TUBGCP3: variants seen among roughly 807,000 people sequenced by gnomAD.
The protein encoded by TUBGCP3 is gamma-tubulin complex component 3.
In TUBGCP3, 50 loss-of-function variants were observed where a neutral mutation model predicts 123.1. The observed-to-expected ratio is 0.41, with a 90% CI of 0.32 to 0.51. TUBGCP3 has a LOEUF of 0.51. Ranked by LOEUF, TUBGCP3 falls within the 20% of genes least tolerant of loss-of-function variation. The pLI is 0.36. For synonymous variants in TUBGCP3, 405 were observed against 413.9 expected (o/e 0.98, Z 0.26); for missense variants, 882 against 1,127.0 (o/e 0.78, Z 3.11).
chr13:112,548,255 G>A (rs541089582), intron 8 of TUBGCP3, 79 bp from the exon 9 acceptor site: 39 of 1,149,208 alleles, frequency 3.4e-5, no homozygotes, highest in Middle Eastern at 2.1e-4. Flanking sequence ...GGTATAATGC[G>A]TTTAGATAAA....
the TUBGCP3 span, among the ~76,000 whole-genome samples, chr13:112,595,852 A>G: frequency 3.2e-4 from 49 of 151,822 alleles, no homozygotes; most frequent in Non-Finnish European, 5.5e-4. Context: ...TTTGTTTTCT[A>G]TTCATTCTCT....
chr13:112,543,137 G>A (rs1878668032), intron 11 of TUBGCP3, among the ~76,000 whole-genome samples: 1 of 152,100 alleles, frequency 6.6e-6, no homozygotes, highest in Non-Finnish European at 1.5e-5. Context: ...ACAACAAAGC[G>A]AGACTCCATC....
chr13:112,543,544 G>C (rs1342346871), intron 11 of TUBGCP3, among the ~76,000 whole-genome samples: 3 of 152,134 alleles, frequency 2.0e-5, no homozygotes, highest in Non-Finnish European at 2.9e-5. Context: ...CAAAAGGTAA[G>C]TACTGCCTCT....
At chr13:112,586,800 A>C (rs1002355825) in intron 1 of TUBGCP3, among the ~76,000 whole-genome samples, 1 of 151,940 alleles carries the variant, frequency 6.6e-6, no homozygotes, top group Non-Finnish European at 1.5e-5. Context: ...TCCCGGGGGG[A>C]ACTTTGAGGA....
At chr13:112,553,339 C>T (rs1233971436) in intron 8 of TUBGCP3, among the ~76,000 whole-genome samples, 1 of 152,262 alleles carries the variant, frequency 6.6e-6, no homozygotes, top group Non-Finnish European at 1.5e-5. Flanking sequence ...AAGTCCTGTG[C>T]TACGCTGAGC....
intron 11 of TUBGCP3, among the ~76,000 whole-genome samples, chr13:112,534,050 G>A (rs73566375): frequency 6.6e-6 from 1 of 152,082 alleles, no homozygotes; most frequent in Non-Finnish European, 1.5e-5. Flanking sequence ...TGAGTATGCA[G>A]AGCTGGTGTG....
rs758666111 is a variant in TUBGCP3, at chr13:112,486,150, C to A, written c.2567G>T (p.Gly856Val). Residue 856 changes from glycine to valine, a missense_variant and splice_region_variant, in exon 22 of 22, where the codon GGT (glycine) becomes GTT (valine). Transcript: ENST00000261965. ...QLRILTHFYQGIVQQFLVLLT... is the reference protein window; with the variant it reads ...QLRILTHFYQVIVQQFLVLLT... Reference sequence around the variant, plus strand: ...TAACACCAAAAACTGCTGCACGATACCCTAAAAAGAAGCAAAAGGAGTAAA... The same window carrying A: ...TAACACCAAAAACTGCTGCACGATAACCTAAAAAGAAGCAAAAGGAGTAAA... 1 of 1,607,708 alleles carries A rather than the reference C, an allele frequency of 6.2e-7. No individual in the cohort carries two copies. The highest frequency in any genetic ancestry group is 8.5e-7 in the Non-Finnish European group (1 of 1,177,516).
At chr13:112,548,241 GA>G in intron 8 of TUBGCP3, 65 bp from the exon 9 acceptor site, 1 of 1,346,866 alleles carries the variant, frequency 7.4e-7, no homozygotes. Flanking sequence ...ATTTTAAGTG[GA>G]AAGGTATAAT....
chr13:112,559,460 C>A, intron 3 of TUBGCP3, 61 bp from the exon 4 acceptor site: 1 of 1,347,340 alleles, frequency 7.4e-7, no homozygotes, highest in South Asian at 1.3e-5. Flanking sequence ...GCCTTATTTT[C>A]CTCTTTCCTG....
intron 13 of TUBGCP3, among the ~76,000 whole-genome samples, chr13:112,526,357 C>A (rs908955592): frequency 1.5e-4 from 22 of 150,438 alleles, no homozygotes; most frequent in African/African-American, 5.2e-4. Context: ...TCCCCATCAT[C>A]ACTATCATCA....
intron 14 of TUBGCP3, chr13:112,522,007 T>A: frequency 2.8e-6 from 1 of 363,280 alleles, no homozygotes; most frequent in Non-Finnish European, 3.8e-6. Context: ...TATTTCAAAC[T>A]CAAGCTAAAG....
At chr13:112,538,911 A>G (rs1878280844) in intron 11 of TUBGCP3, among the ~76,000 whole-genome samples, 1 of 152,228 alleles carries the variant, frequency 6.6e-6, no homozygotes, top group East Asian at 1.9e-4. Flanking sequence ...ACACAATGTA[A>G]TTGTCTAAAT....
At chr13:112,540,981 T>G (rs896777025) in intron 11 of TUBGCP3, among the ~76,000 whole-genome samples, 1 of 152,198 alleles carries the variant, frequency 6.6e-6, no homozygotes, top group Admixed American at 6.5e-5. Context: ...ACAAGAGTGC[T>G]TCAAAAAAGT....
rs1881448428 is a variant in TUBGCP3, at chr13:112,508,451, G to A, written c.2087-3737C>T. ...CAGAAGGGGCCTGTTAGTTGAAAAG[G>A]TATCGTGCACCACGACAGACAGGTC... On this transcript the variant is annotated intron_variant, in intron 17 of 21. Coordinates refer to ENST00000261965, the MANE Select transcript of TUBGCP3 (RefSeq NM_006322.6). This position sits in a 1 kb window ranked among gnomAD's most constrained non-coding sequence, Gnocchi z 4.2. Among the ~76,000 whole-genome samples, 1 of 152,156 alleles carries A rather than the reference G, an allele frequency of 6.6e-6. No individual in the cohort carries two copies. Among genetic ancestry groups the A allele is most frequent in the Non-Finnish European group, 1.5e-5 (1 of 68,036 alleles).
chr13:112,598,330 A>C, the TUBGCP3 span, among the ~76,000 whole-genome samples: 1 of 151,516 alleles, frequency 6.6e-6, no homozygotes, highest in Non-Finnish European at 1.5e-5. Flanking sequence ...CAGAAGAAAA[A>C]TGATACTAGA....
chr13:112,588,012 C>A lies in TUBGCP3; in HGVS notation c.-32G>T. 1 of 1,417,448 alleles carries A rather than the reference C, an allele frequency of 7.1e-7. No homozygotes were observed. The allele number at this position is 1,417,448 out of a possible 1,614,324, so 87.8% of individuals were successfully genotyped here. On this transcript the variant is annotated 5_prime_UTR_variant, in exon 1 of 22. Transcript: ENST00000261965. ...CCGGAGCCGTGCACGGTGGTCCGGG[C>A]AGAGCCGCCACTGCCGCCGCACGCG...
Position 112,576,910 on chromosome 13 carries a change from C to CA in TUBGCP3, c.77-7652dup, listed in dbSNP as rs1174402133. Among the ~76,000 whole-genome samples the CA allele has an allele frequency of 7.6e-3, 445 of 58,596 alleles. 2 individuals carry two copies. Among genetic ancestry groups the CA allele is most frequent in the South Asian group, 0.014 (25 of 1,792 alleles). The allele number at this position is 58,596 out of a possible 152,430, so 38.4% of individuals were successfully genotyped here. On this transcript the variant is annotated intron_variant, in intron 1 of 21. Transcript: ENST00000261965. ...ATTAGGAAATGGTAAAACAAACAAA[C>CA]AAAAAAAAAAAAACCCCAGCAGTCA...
At position 112,554,154 on chromosome 13, in the gene TUBGCP3, G is replaced by A. The variant is rs754489653; in HGVS notation, c.869C>T (p.Thr290Ile). The A allele has an allele frequency of 6.8e-6, 11 of 1,614,156 alleles. No homozygotes were observed. Among genetic ancestry groups the A allele is most frequent in the Middle Eastern group, 1.6e-4 (1 of 6,062 alleles). Residue 290 changes from threonine to isoleucine, a missense_variant, in exon 8 of 22, where the codon ACA becomes ATA. Thr to Ile is a moderately conservative substitution (Grantham distance 89, BLOSUM62 -1). Coordinates refer to ENST00000261965, the MANE Select transcript of TUBGCP3 (RefSeq NM_006322.6). ...KANLSRSLRD[T>I]AVRLSELGWL... is the part of the protein sequence containing the mutation. ...TCCCAACTCAGAAAGCCTGACTGCT[G>A]TGTCTCTCAAAGACCTACTTAGATT...
At chr13:112,547,807 C>T in intron 9 of TUBGCP3, 55 bp from the exon 10 acceptor site, 3 of 1,372,550 alleles carry the variant, frequency 2.2e-6, no homozygotes, top group Admixed American at 5.3e-5. Context: ...ATAGATCACA[C>T]TTCTTAATCT....
Sources: allele counts gnomAD v4.1 joint callset (sites outside exome capture counted in the v4.1 genomes callset), GRCh38; gene constraint gnomAD v4.1.1; non-coding constraint Gnocchi (gnomAD v3.1); transcripts MANE v1.5; gene names NCBI Gene and HGNC (gene_info 2026-07-23, HGNC 2026-07-21).